The following ERC1 variants were observed in gnomAD, a reference collection of about 807,000 sequenced individuals.
ERC1 encodes the protein ELKS/RAB6-interacting/CAST family member 1, also known as RAB6 interacting protein 2.
Under a neutral mutation model 132.0 loss-of-function variants are expected in ERC1, and 56 were observed. The observed-to-expected ratio is 0.42, with a 90% confidence interval of 0.34 to 0.53. ERC1 has a LOEUF of 0.53. Ranked by LOEUF, ERC1 falls within the 20% of genes least tolerant of loss-of-function variation. The pLI is 0.03. For synonymous variants in ERC1, 478 were observed against 476.1 expected, an observed-to-expected ratio of 1.00 and a Z score of -0.05; for missense variants, 1,202 against 1,349.9, an observed-to-expected ratio of 0.89 and a Z score of 1.72.
intron 17 of ERC1, among the ~76,000 whole-genome samples, chr12:1,413,817 A>G (rs1342165313): frequency 6.6e-6 from 1 of 152,246 alleles, no homozygotes; most frequent in Non-Finnish European, 1.5e-5. Flanking sequence ...TTATATGACT[A>G]TCTCAGTCAG....
At chr12:1,447,525 C>CAAACAG (rs1223060628) in intron 18 of ERC1, among the ~76,000 whole-genome samples, 2 of 147,476 alleles carry the variant, frequency 1.4e-5, no homozygotes, top group Non-Finnish European at 3.0e-5. Flanking sequence ...CAAAAACAAA[C>CAAACAG]AAACAGCAAC....
chr12:1,116,771 T>TG (rs1188050406), intron 7 of ERC1, among the ~76,000 whole-genome samples: 2 of 151,974 alleles, frequency 1.3e-5, no homozygotes, highest in Admixed American at 6.6e-5. Flanking sequence ...TTAGTGGAGA[T>TG]GGGGTTTCAC....
chr12:1,028,186 G>T lies in ERC1; in HGVS notation c.283G>T (p.Gly95Trp), dbSNP rs759558423. Residue 95 changes from glycine to tryptophan, a missense_variant, in exon 2 of 19, where the codon GGG (glycine) becomes TGG (tryptophan). By Grantham distance (184) the Gly-to-Trp change is radical. Coordinates refer to ENST00000360905, the MANE Select transcript of ERC1 (RefSeq NM_178040.4). ...PKSTMTLGRS[G>W]GRLPYGVRMT... ...AAGCACCATGACACTTGGCCGTTCT[G>T]GGGGACGTCTGCCTTACGGTGTTCG... is the stretch of plus-strand genomic sequence containing the variant. 11 of 1,614,068 alleles carry T rather than the reference G, an allele frequency of 6.8e-6. 1 individual carries two copies. In the South Asian group the frequency reaches 1.1e-4, roughly 16 times the overall value.
chr12:1,483,676 T>C (rs2094136752), intron 18 of ERC1, among the ~76,000 whole-genome samples: 1 of 42,662 alleles, frequency 2.3e-5, no homozygotes, highest in African/African-American at 2.1e-4. Context: ...AGCTTTTTTT[T>C]TTTTTTTTTT....
chr12:1,248,925 C>T (rs1032141478), intron 13 of ERC1, among the ~76,000 whole-genome samples: 1 of 152,148 alleles, frequency 6.6e-6, no homozygotes, highest in African/African-American at 2.4e-5. Flanking sequence ...CTCTGTCACT[C>T]AGGCTGCAGT....
intron 16 of ERC1, among the ~76,000 whole-genome samples, chr12:1,377,375 C>G (rs184062345): frequency 6.6e-6 from 1 of 152,172 alleles, no homozygotes; most frequent in Non-Finnish European, 1.5e-5. Context: ...TTTCTGCAAT[C>G]TAGCAGACAT....
At chr12:1,182,465 A>G (rs575446765) in intron 10 of ERC1, among the ~76,000 whole-genome samples, 1 of 152,328 alleles carries the variant, frequency 6.6e-6, no homozygotes, top group East Asian at 1.9e-4. Flanking sequence ...AGGTGACTTA[A>G]TATACTTTGG....
intron 9 of ERC1, 140 bp from the exon 10 acceptor site, chr12:1,181,783 CAA>C (rs35973834): frequency 0.014 from 9,597 of 686,878 alleles, no homozygotes; most frequent in South Asian, 0.027. Context: ...AACTCTGTCT[CAA>C]AAAAAAAAAA....
At position 1,438,954 on chromosome 12, in the gene ERC1, A is replaced by AAAAAAAAAATATATATATATATATAT. The variant is rs1015181197; in HGVS notation, c.3025-5607_3025-5606insAAAAAAAATATATATATATATATATA. Among the ~76,000 whole-genome samples the AAAAAAAAAATATATATATATATATAT allele has an allele frequency of 2.1e-3, 307 of 143,284 alleles. 1 individual carries two copies. Among genetic ancestry groups the AAAAAAAAAATATATATATATATATAT allele is most frequent in the African/African-American group, 7.7e-3 (293 of 37,954 alleles). 94.0% of individuals were successfully genotyped at this position (143,284 alleles called of 152,430 possible). On this transcript the variant is annotated intron_variant, in intron 17 of 18. Coordinates refer to ENST00000360905, the MANE Select transcript of ERC1 (RefSeq NM_178040.4). ...GAGACCTTGTCTCAATTTAAAAAAA[A>AAAAAAAAAATATATATATATATATAT]ATATATATATATATATAAAAAATGA... is the stretch of plus-strand genomic sequence containing the variant.
intron 13 of ERC1, among the ~76,000 whole-genome samples, chr12:1,253,080 T>C (rs527956808): frequency 5.3e-5 from 8 of 152,338 alleles, no homozygotes; most frequent in Admixed American, 2.6e-4. Context: ...GCAGCTCTTA[T>C]TATTAATTCA....
At chr12:1,307,358 G>T (rs1229754479) in intron 15 of ERC1, among the ~76,000 whole-genome samples, 2 of 152,132 alleles carry the variant, frequency 1.3e-5, no homozygotes, top group African/African-American at 4.8e-5. Flanking sequence ...GAGTCCACAG[G>T]CCCTGTAAAC....
chr12:1,061,626 G>C (rs12822249), intron 2 of ERC1, among the ~76,000 whole-genome samples: 28,393 of 151,758 alleles, frequency 0.19, 3,355 homozygotes, highest in Non-Finnish European at 0.25. Flanking sequence ...ACAACAACAA[G>C]AACAATCCCC....
chr12:1,022,908 G>A (rs1170622202), intron 1 of ERC1, among the ~76,000 whole-genome samples: 6 of 152,112 alleles, frequency 3.9e-5, no homozygotes, highest in African/African-American at 1.2e-4. Flanking sequence ...GTTAGCCACC[G>A]CGCCCAGCCT....
chr12:1,002,064 G>GT (rs2154132397), intron 1 of ERC1, among the ~76,000 whole-genome samples: 1 of 142,964 alleles, frequency 7.0e-6, no homozygotes, highest in South Asian at 2.3e-4. Context: ...TGTTTGCCAT[G>GT]TTGACCAGGC....
chr12:1,129,949 G>T (rs185393598), intron 7 of ERC1, among the ~76,000 whole-genome samples: 2 of 152,200 alleles, frequency 1.3e-5, no homozygotes, highest in African/African-American at 2.4e-5. Context: ...GCCAAAACTC[G>T]CAAATCAATT....
intron 12 of ERC1, among the ~76,000 whole-genome samples, chr12:1,199,404 A>T (rs1956680349): frequency 6.6e-6 from 1 of 152,366 alleles, no homozygotes; most frequent in Middle Eastern, 3.4e-3. Flanking sequence ...TACCAAGACA[A>T]CCTAGTGTGT....
Position 1,179,500 on chromosome 12 carries a change from CTTTTTTTTTT to C in ERC1, c.1738-1024_1738-1015del, listed in dbSNP as rs58317880. On this transcript the variant is annotated intron_variant, in intron 8 of 18. Coordinates refer to ENST00000360905, the MANE Select transcript of ERC1 (RefSeq NM_178040.4). ...AATAAAAATGAGTCTATTCATTTTT[CTTTTTTTTTT>C]TTTTTTTTTTTTTTTGAGACGGAGT... is the stretch of plus-strand genomic sequence containing the variant. Among the ~76,000 whole-genome samples, 9 of 95,758 alleles carry C rather than the reference CTTTTTTTTTT, an allele frequency of 9.4e-5. No individual in the cohort carries two copies. The East Asian group carries it at 2.1e-3, about 23-fold the overall frequency. 62.8% of individuals were successfully genotyped at this position (95,758 alleles called of 152,430 possible).
At chr12:1,396,113 A>G (rs2090520623) in intron 16 of ERC1, among the ~76,000 whole-genome samples, 1 of 152,200 alleles carries the variant, frequency 6.6e-6, no homozygotes, top group Non-Finnish European at 1.5e-5. Context: ...AGGAACAGAA[A>G]TTGTCTTTTT....
intron 1 of ERC1, among the ~76,000 whole-genome samples, chr12:1,024,783 C>G (rs1179849475): frequency 2.1e-5 from 3 of 145,592 alleles, no homozygotes; most frequent in Non-Finnish European, 3.0e-5. Flanking sequence ...CAGCTCAAAC[C>G]ACCTGTGGAC....
Sources: gnomAD v4.1 joint callset for allele counts (sites outside exome capture counted in the v4.1 genomes callset) on GRCh38, gnomAD v4.1.1 for gene constraint, MANE v1.5 for transcripts, NCBI Gene and HGNC (gene_info 2026-07-23, HGNC 2026-07-21) for gene names.